KCNAB1: variants seen among roughly 807,000 people sequenced by gnomAD.
KCNAB1 encodes the protein potassium voltage-gated channel subfamily A regulatory beta subunit 1.
Under a neutral mutation model 64.6 loss-of-function variants are expected in KCNAB1, and 35 were observed. The ratio of observed to expected loss-of-function variants is 0.54; its 90% confidence interval spans 0.41 to 0.72. The LOEUF is 0.72. Among genes scored for constraint, KCNAB1 ranks in the 30% least tolerant of loss-of-function variants. KCNAB1 has a pLI of 0.00. For synonymous variants in KCNAB1, 177 were observed against 183.8 expected (o/e 0.96, Z 0.30); for missense variants, 401 against 512.9 (o/e 0.78, Z 2.11).
At chr3:156,320,462 G>A (rs1477090689) in intron 1 of KCNAB1, among the ~76,000 whole-genome samples, 2 of 152,178 alleles carry the variant, frequency 1.3e-5, no homozygotes, top group Non-Finnish European at 2.9e-5. Context: ...AGCTTCCTTG[G>A]AATTGAGAAA....
At chr3:156,530,836 G>T (rs550442218) in intron 12 of KCNAB1, among the ~76,000 whole-genome samples, 1 of 152,268 alleles carries the variant, frequency 6.6e-6, no homozygotes, top group African/African-American at 2.4e-5. Context: ...TGGAAAATGA[G>T]ACCATGAATA....
chr3:156,297,976 G>A (rs1720911033), intron 1 of KCNAB1, among the ~76,000 whole-genome samples: 1 of 152,160 alleles, frequency 6.6e-6, no homozygotes, highest in Non-Finnish European at 1.5e-5. Context: ...TTTGGGTTTT[G>A]TTATTGTTTT....
intron 1 of KCNAB1, among the ~76,000 whole-genome samples, chr3:156,417,539 A>G (rs1715157791): frequency 6.6e-6 from 1 of 152,240 alleles, no homozygotes; most frequent in African/African-American, 2.4e-5. Context: ...AAAATTGTGA[A>G]TAAGGTCTAA....
chr3:156,120,391 C>G (rs1390524622), upstream of KCNAB1, among the ~76,000 whole-genome samples: 1 of 152,038 alleles, frequency 6.6e-6, no homozygotes, highest in Non-Finnish European at 1.5e-5. Context: ...TTTCCGTGTT[C>G]GAAGATACCA....
intron 1 of KCNAB1, among the ~76,000 whole-genome samples, chr3:156,186,690 C>T (rs1713212360): frequency 6.6e-6 from 1 of 152,130 alleles, no homozygotes; most frequent in African/African-American, 2.4e-5. Context: ...CAGTCTCCAT[C>T]CCTCTAGGAA....
At chr3:156,427,713 A>G (rs1715911263) in intron 2 of KCNAB1, among the ~76,000 whole-genome samples, 1 of 152,166 alleles carries the variant, frequency 6.6e-6, no homozygotes, top group South Asian at 2.1e-4. Flanking sequence ...GTGGAGATAG[A>G]GAGAGGCCCA....
intron 1 of KCNAB1, chr3:156,142,993 A>G: frequency 7.8e-7 from 1 of 1,289,874 alleles, no homozygotes; most frequent in African/African-American, 1.5e-5. Context: ...CACACAACCA[A>G]CAGCTCTGTC....
At chr3:156,202,527 G>C (rs556535086) in intron 1 of KCNAB1, among the ~76,000 whole-genome samples, 1 of 152,276 alleles carries the variant, frequency 6.6e-6, no homozygotes, top group Admixed American at 6.5e-5. Flanking sequence ...GCTGTGTCTA[G>C]TCAGCCATCT....
chr3:156,386,812 A>G (rs925798615), intron 1 of KCNAB1, among the ~76,000 whole-genome samples: 1 of 152,180 alleles, frequency 6.6e-6, no homozygotes, highest in Non-Finnish European at 1.5e-5. Flanking sequence ...CCCTTACCTG[A>G]TAATGGTGAC....
chr3:156,138,322 ATAG>A (rs1218572298), intron 1 of KCNAB1, among the ~76,000 whole-genome samples: 2 of 152,204 alleles, frequency 1.3e-5, no homozygotes, highest in Admixed American at 1.3e-4. Flanking sequence ...AATAATCAGA[ATAG>A]AAAAATATGC....
At chr3:156,327,018 G>A (rs548929754) in intron 1 of KCNAB1, among the ~76,000 whole-genome samples, 1 of 152,152 alleles carries the variant, frequency 6.6e-6, no homozygotes, top group African/African-American at 2.4e-5. Context: ...ATACTGGCTC[G>A]CAAACCTCTC....
intron 8 of KCNAB1, among the ~76,000 whole-genome samples, chr3:156,503,272 G>T (rs1162001077): frequency 6.6e-6 from 1 of 152,096 alleles, no homozygotes; most frequent in Non-Finnish European, 1.5e-5. Context: ...AGCAGGCAGT[G>T]GTAAGTCTAG....
rs1718127786 is a variant in KCNAB1, at chr3:156,524,001, G to A, written c.1081+54G>A. On this transcript the variant is annotated intron_variant, in intron 12 of 13. Coordinates refer to ENST00000490337, the MANE Select transcript of KCNAB1 (RefSeq NM_172160.3). ...TAGAGGGACTTCTGCTGAGATCATAGTTTTCTATTGCTGACCACACCCTTA... is the reference window on the plus strand; with the variant it reads ...TAGAGGGACTTCTGCTGAGATCATAATTTTCTATTGCTGACCACACCCTTA... 3 of 1,548,312 alleles carry A rather than the reference G, an allele frequency of 1.9e-6. No homozygotes were observed. In the African/African-American group the frequency reaches 4.1e-5, roughly 21 times the overall value.
chr3:156,421,534 A>G, intron 1 of KCNAB1, 82 bp from the exon 2 acceptor site: 1 of 1,416,950 alleles, frequency 7.1e-7, no homozygotes, highest in Non-Finnish European at 9.9e-7. Flanking sequence ...AATCTGCCAA[A>G]ATGGAGATAC....
chr3:156,323,621 G>A (rs972308725), intron 1 of KCNAB1, among the ~76,000 whole-genome samples: 5 of 152,144 alleles, frequency 3.3e-5, no homozygotes, highest in African/African-American at 1.2e-4. Flanking sequence ...GATGTGAGGT[G>A]TTTCTTTTAT....
intron 1 of KCNAB1, among the ~76,000 whole-genome samples, chr3:156,337,175 A>G (rs1247520807): frequency 6.6e-6 from 1 of 152,230 alleles, no homozygotes; most frequent in African/African-American, 2.4e-5. Context: ...CTCTAGAAAT[A>G]AAATTGCATT....
At chr3:156,524,555 G>A (rs1471020177) in intron 12 of KCNAB1, among the ~76,000 whole-genome samples, 1 of 151,966 alleles carries the variant, frequency 6.6e-6, no homozygotes, top group Non-Finnish European at 1.5e-5. Context: ...AGACCATCCT[G>A]GCTAACACAG....
chr3:156,312,065 C>T (rs1721945919), intron 1 of KCNAB1, among the ~76,000 whole-genome samples: 1 of 152,212 alleles, frequency 6.6e-6, no homozygotes, highest in Non-Finnish European at 1.5e-5. Context: ...TGTGCTCCCC[C>T]AACCTTGCCT....
At chr3:156,432,936 G>A (rs936954624) in intron 2 of KCNAB1, among the ~76,000 whole-genome samples, 1 of 152,200 alleles carries the variant, frequency 6.6e-6, no homozygotes, top group Non-Finnish European at 1.5e-5. Context: ...GTGCCTTCCA[G>A]GGAGGACTGG....
Sources: gnomAD v4.1 joint callset for allele counts (sites outside exome capture counted in the v4.1 genomes callset) on GRCh38, gnomAD v4.1.1 for gene constraint, MANE v1.5 for transcripts, NCBI Gene and HGNC (gene_info 2026-07-23, HGNC 2026-07-21) for gene names.